The following DNAH17 variants were observed in gnomAD, a reference collection of about 807,000 sequenced individuals.
The protein encoded by DNAH17 is dynein axonemal heavy chain 17.
DNAH17 carries 376 observed loss-of-function variants against 485.6 expected under a neutral mutation model. The ratio of observed to expected loss-of-function variants is 0.77; its 90% confidence interval spans 0.71 to 0.84. DNAH17 has a LOEUF of 0.84. DNAH17 is among the 40% of genes least tolerant of loss of function. The pLI, the probability that DNAH17 is intolerant of heterozygous loss-of-function variation, is 0.00. For synonymous variants in DNAH17, 3,031 were observed against 2,405.9 expected (o/e 1.26, Z -7.60); for missense variants, 6,370 against 5,839.3 (o/e 1.09, Z -2.96).
At chr17:78,447,819 T>C (rs1184392428) in intron 69 of DNAH17, among the ~76,000 whole-genome samples, 1 of 152,214 alleles carries the variant, frequency 6.6e-6, no homozygotes, top group Non-Finnish European at 1.5e-5. Context: ...AACCTGTTTA[T>C]ACAATTAGTG....
chr17:78,557,858 G>A (rs985066073), intron 14 of DNAH17, among the ~76,000 whole-genome samples: 2 of 151,986 alleles, frequency 1.3e-5, no homozygotes, highest in African/African-American at 2.4e-5. Context: ...ACAAATGCTG[G>A]TGTAAGATCT....
chr17:78,540,713 G>T (rs2143427660), intron 17 of DNAH17, among the ~76,000 whole-genome samples: 1 of 19,998 alleles, frequency 5.0e-5, no homozygotes, highest in Non-Finnish European at 9.5e-5. Context: ...GAGATGAATG[G>T]GGTGGGCAGA....
At chr17:78,529,398 G>A in intron 22 of DNAH17, 74 bp downstream of exon 22, 2 of 1,439,314 alleles carry the variant, frequency 1.4e-6, no homozygotes, top group East Asian at 2.3e-5. Context: ...TGCGTTTGAT[G>A]GGCTGGTCCA....
At chr17:78,503,060 T>C in intron 31 of DNAH17, 49 bp from the exon 32 acceptor site, 2 of 1,555,846 alleles carry the variant, frequency 1.3e-6, no homozygotes, top group Non-Finnish European at 1.7e-6. Flanking sequence ...TGCCTGCCTC[T>C]AGTTCCAATA....
At chr17:78,504,238 G>A (rs1368795694) in intron 31 of DNAH17, among the ~76,000 whole-genome samples, 1 of 151,984 alleles carries the variant, frequency 6.6e-6, no homozygotes, top group African/African-American at 2.4e-5. Context: ...GTTAATTTTT[G>A]TATTTTTAGT....
intron 48 of DNAH17, 129 bp downstream of exon 48, chr17:78,484,739 A>ACCCCCCAGG: frequency 1.4e-5 from 5 of 347,792 alleles, no homozygotes; most frequent in Non-Finnish European, 1.4e-5. Context: ...ACGTTGCAGC[A>ACCCCCCAGG]CCCCCCCCAC....
At chr17:78,520,623 A>C (rs1343547057) in intron 25 of DNAH17, among the ~76,000 whole-genome samples, 1 of 152,210 alleles carries the variant, frequency 6.6e-6, no homozygotes, top group Non-Finnish European at 1.5e-5. Context: ...TTATTAATAC[A>C]ATCACTTCTA....
intron 1 of DNAH17, among the ~76,000 whole-genome samples, chr17:78,576,030 C>T (rs983141089): frequency 6.6e-6 from 1 of 152,244 alleles, no homozygotes; most frequent in African/African-American, 2.4e-5. Flanking sequence ...GTATGCAGCT[C>T]CTGAATTTCA....
intron 29 of DNAH17, 139 bp downstream of exon 29, chr17:78,507,133 CAGGGAA>C (rs1393919137): frequency 1.0e-6 from 1 of 964,158 alleles, no homozygotes; most frequent in Non-Finnish European, 1.5e-6. Flanking sequence ...GTGTGCTCCC[CAGGGAA>C]AGGCAATTGA....
At chr17:78,451,750 C>CA in intron 65 of DNAH17, 77 bp from the exon 66 acceptor site, 10 of 1,331,100 alleles carry the variant, frequency 7.5e-6, no homozygotes, top group Middle Eastern at 2.2e-4. Flanking sequence ...GACCACCTTT[C>CA]ACCCCAGCCC....
At position 78,479,692 on chromosome 17, in the gene DNAH17, G is replaced by C. The variant is rs2089264027; in HGVS notation, c.7753-60C>G. Reference sequence around the variant, plus strand: ...GCTCTTGGGGACCTGCCTGGGGCCAGGGCCACCTTCGCGGGAGAGTGGCCC... The same window carrying C: ...GCTCTTGGGGACCTGCCTGGGGCCACGGCCACCTTCGCGGGAGAGTGGCCC... On this transcript the variant is annotated intron_variant, in intron 49 of 80. Transcript: ENST00000389840. 6 of 1,599,426 alleles carry C rather than the reference G, an allele frequency of 3.8e-6. No homozygotes were observed. In the South Asian group the frequency reaches 5.6e-5, roughly 15 times the overall value.
At chr17:78,465,941 T>A (rs2088426852) in intron 56 of DNAH17, among the ~76,000 whole-genome samples, 1 of 152,154 alleles carries the variant, frequency 6.6e-6, no homozygotes, top group Admixed American at 6.5e-5. Flanking sequence ...GCCCAGCAGC[T>A]CATTGAGAGC....
At chr17:78,559,153 G>A (rs2092096459) in intron 13 of DNAH17, among the ~76,000 whole-genome samples, 1 of 152,194 alleles carries the variant, frequency 6.6e-6, no homozygotes. Flanking sequence ...GCTGAATGAG[G>A]TAATGAGATG....
At position 78,566,635 on chromosome 17, in the gene DNAH17, G is replaced by A. The variant is rs1309132380; in HGVS notation, c.1548C>T (p.Ser516=). The change falls in exon 11 of 81, where the codon AGC becomes AGT. Residue 516 remains serine (S), a synonymous_variant. Transcript: ENST00000389840. ...TIFCQGFDDC[S]CIKSSAKLLY... ...TTACCTTTGCGGAGGACTTGATACA[G>A]CTGCAGTCATCAAATCCTTGGCAAA... 4 of 1,608,444 alleles carry A rather than the reference G, an allele frequency of 2.5e-6. No individual in the cohort carries two copies. Among genetic ancestry groups the A allele is most frequent in the Middle Eastern group, 1.7e-4 (1 of 6,058 alleles).
Position 78,437,658 on chromosome 17 carries a change from G to A in DNAH17, c.12016C>T (p.Leu4006=), listed in dbSNP as rs753559419. Residue 4006 remains leucine (L), a synonymous_variant, in exon 74 of 81, where the codon CTG becomes TTG. Coordinates refer to ENST00000389840, the MANE Select transcript of DNAH17 (RefSeq NM_173628.4). ...GGCCCTACCTGGGTGAACAGGTCCA[G>A]GGCCTTGTGCAAGTTGGCGTGCATG... The part of the protein sequence containing the change: ...TGMHANLHKA[L]DLFTQDTLEM... 4.5e-5 allele frequency: 73 copies of A among 1,609,978 alleles called. No homozygotes were observed. In the South Asian group the frequency reaches 7.9e-4, roughly 18 times the overall value.
rs552141752 is a variant in DNAH17, at chr17:78,527,470, T to C, written c.3508-474A>G. Among the ~76,000 whole-genome samples, 5 of 152,270 alleles carry C rather than the reference T, an allele frequency of 3.3e-5. No homozygotes were observed. In the South Asian group the frequency reaches 8.3e-4, roughly 25 times the overall value. ...TCTCTGTTAACTAGACCAGAGAATG[T>C]ACTCACCTTTCATCATGTTTTTAAA... is the stretch of plus-strand genomic sequence containing the variant. On this transcript the variant is annotated intron_variant, in intron 22 of 80. Coordinates refer to ENST00000389840, the MANE Select transcript of DNAH17 (RefSeq NM_173628.4).
chr17:78,525,732 T>C (rs924123611), intron 24 of DNAH17, among the ~76,000 whole-genome samples: 7 of 152,156 alleles, frequency 4.6e-5, no homozygotes, highest in Admixed American at 2.6e-4. Context: ...GCTCCACAGC[T>C]CCCCTTGGAT....
intron 1 of DNAH17, among the ~76,000 whole-genome samples, chr17:78,577,072 A>C (rs2092443059): frequency 6.6e-6 from 1 of 152,152 alleles, no homozygotes; most frequent in Non-Finnish European, 1.5e-5. Context: ...TCCCAGGAGC[A>C]GGGAAGAGTC....
At chr17:78,572,967 C>T (rs1337468850) in intron 2 of DNAH17, 73 bp from the exon 3 acceptor site, 33 of 1,401,742 alleles carry the variant, frequency 2.4e-5, no homozygotes, top group Non-Finnish European at 3.2e-5. Flanking sequence ...AGCCAGGTCC[C>T]CGGGGGGTTC....
Sources: allele counts gnomAD v4.1 joint callset (sites outside exome capture counted in the v4.1 genomes callset), GRCh38; gene constraint gnomAD v4.1.1; transcripts MANE v1.5; gene names NCBI Gene and HGNC (gene_info 2026-07-23, HGNC 2026-07-21).